IGFBP7: variants seen among roughly 807,000 people sequenced by gnomAD.
IGFBP7 encodes insulin like growth factor binding protein 7.
A neutral mutation model predicts 29.4 loss-of-function variants in IGFBP7; 31 were observed. That is an observed-to-expected ratio of 1.05 (90% CI 0.79 to 1.42). The LOEUF is 1.42. Among genes scored for constraint, IGFBP7 ranks in the 40% most tolerant of loss-of-function variants. IGFBP7 has a pLI of 0.00. For missense variants in IGFBP7, 393 were observed against 395.5 expected, an observed-to-expected ratio of 0.99 and a Z score of 0.05; for synonymous variants, 172 against 174.9, an observed-to-expected ratio of 0.98 and a Z score of 0.13.
At chr4:57,109,784 A>C (rs1273080390) in intron 1 of IGFBP7, 93 bp downstream of exon 1, 6 of 1,396,444 alleles carry the variant, frequency 4.3e-6, no homozygotes, top group Non-Finnish European at 5.6e-6. Context: ...CGCAGTGAGC[A>C]GCGCGGGGCG....
At chr4:57,104,794 G>T (rs1725983832) in intron 1 of IGFBP7, among the ~76,000 whole-genome samples, 1 of 152,174 alleles carries the variant, frequency 6.6e-6, no homozygotes, top group South Asian at 2.1e-4. Context: ...GTTCAGGATT[G>T]CTGATGACAG....
At chr4:57,079,772 TTG>T (rs1725318701) in intron 1 of IGFBP7, among the ~76,000 whole-genome samples, 1 of 152,248 alleles carries the variant, frequency 6.6e-6, no homozygotes, top group Non-Finnish European at 1.5e-5. Flanking sequence ...CTCATGCTAT[TTG>T]TCTCATTAAT....
chr4:57,079,388 C>T (rs1211028551), intron 1 of IGFBP7, among the ~76,000 whole-genome samples: 1 of 152,074 alleles, frequency 6.6e-6, no homozygotes, highest in Non-Finnish European at 1.5e-5. Context: ...TTCAGTTTTC[C>T]AGTTGAACAG....
chr4:57,040,135 A>T (rs1459463987), intron 2 of IGFBP7, among the ~76,000 whole-genome samples: 1 of 152,064 alleles, frequency 6.6e-6, no homozygotes, highest in Admixed American at 6.6e-5. Context: ...ATGGTTCTAC[A>T]GCCTTGGTAC....
At chr4:57,066,122 G>A (rs1192764665) in intron 1 of IGFBP7, among the ~76,000 whole-genome samples, 1 of 152,152 alleles carries the variant, frequency 6.6e-6, no homozygotes, top group South Asian at 2.1e-4. Flanking sequence ...TTTTTAGGTG[G>A]AGCTAATTCT....
intron 1 of IGFBP7, among the ~76,000 whole-genome samples, chr4:57,056,018 G>C (rs1724662424): frequency 6.6e-6 from 1 of 152,000 alleles, no homozygotes; most frequent in African/African-American, 2.4e-5. Context: ...TCCAGGCCCC[G>C]GACTCCCATT....
chr4:57,068,230 C>T (rs1348054610), intron 1 of IGFBP7, among the ~76,000 whole-genome samples: 1 of 149,488 alleles, frequency 6.7e-6, no homozygotes, highest in East Asian at 2.0e-4. Flanking sequence ...GTGGAGGTTG[C>T]AGTGAGCCAA....
chr4:57,055,504 G>T (rs1234211174), intron 1 of IGFBP7, among the ~76,000 whole-genome samples: 4 of 152,176 alleles, frequency 2.6e-5, no homozygotes, highest in African/African-American at 9.7e-5. Context: ...GGGAGTGAGA[G>T]GCCAAGTACT....
intron 1 of IGFBP7, among the ~76,000 whole-genome samples, chr4:57,107,489 T>C (rs181091975): frequency 6.6e-6 from 1 of 152,194 alleles, no homozygotes; most frequent in Non-Finnish European, 1.5e-5. Context: ...GCTTCTATGA[T>C]TGTCAAAACC....
chr4:57,102,473 C>T (rs1350710425), intron 1 of IGFBP7, among the ~76,000 whole-genome samples: 1 of 152,110 alleles, frequency 6.6e-6, no homozygotes, highest in East Asian at 1.9e-4. Flanking sequence ...TCTGCCTGAA[C>T]ACGGTATCCT....
intron 1 of IGFBP7, among the ~76,000 whole-genome samples, chr4:57,059,510 C>A (rs1724748214): frequency 1.3e-5 from 2 of 152,118 alleles, no homozygotes; most frequent in Non-Finnish European, 2.9e-5. Context: ...AAACCAAATA[C>A]CACATGTTCT....
At chr4:57,053,019 CTTT>C (rs60116761) in intron 1 of IGFBP7, among the ~76,000 whole-genome samples, 3 of 141,082 alleles carry the variant, frequency 2.1e-5, no homozygotes, top group African/African-American at 2.6e-5. Context: ...TCTTTTCTAT[CTTT>C]TTTTTTTTTT....
At chr4:57,060,000 C>T (rs889617275) in intron 1 of IGFBP7, among the ~76,000 whole-genome samples, 2 of 152,150 alleles carry the variant, frequency 1.3e-5, no homozygotes, top group African/African-American at 4.8e-5. Context: ...ATTAATTTGT[C>T]CCAGTCCATC....
At chr4:57,067,676 G>A (rs1724951876) in intron 1 of IGFBP7, among the ~76,000 whole-genome samples, 1 of 152,070 alleles carries the variant, frequency 6.6e-6, no homozygotes, top group Non-Finnish European at 1.5e-5. Context: ...TTCATATTAT[G>A]TGTTTTCTAT....
chr4:57,035,054 C>T (rs1376834576), intron 2 of IGFBP7, among the ~76,000 whole-genome samples: 2 of 152,108 alleles, frequency 1.3e-5, no homozygotes, highest in Admixed American at 1.3e-4. Flanking sequence ...ATGACTCTGA[C>T]CTTTATTTAC....
At chr4:57,050,550 A>G (rs1578616252) in intron 1 of IGFBP7, among the ~76,000 whole-genome samples, 3 of 151,664 alleles carry the variant, frequency 2.0e-5, no homozygotes, top group Admixed American at 1.3e-4. Context: ...TGGCTTTTCA[A>G]AAGTTTTTAT....
rs775993318 is a variant in IGFBP7, at chr4:57,030,873, A to C, written c.*444T>G. On this transcript the variant is annotated 3_prime_UTR_variant, in exon 5 of 5. Coordinates refer to ENST00000295666, the MANE Select transcript of IGFBP7 (RefSeq NM_001553.3). Reference sequence around the variant, plus strand: ...GGGGTCACTTCAATACAATTCTGCTAATTACCATTTGTTTTTTCTTTTCAG... The same window carrying C: ...GGGGTCACTTCAATACAATTCTGCTCATTACCATTTGTTTTTTCTTTTCAG... The C allele has an allele frequency of 1.0e-5, 14 of 1,394,808 alleles. No individual in the cohort carries two copies. In the East Asian group the frequency reaches 2.7e-4, roughly 27 times the overall value. 86.4% of individuals were successfully genotyped at this position (1,394,808 alleles called of 1,614,324 possible).
chr4:57,087,527 A>C (rs1725526506), intron 1 of IGFBP7, among the ~76,000 whole-genome samples: 1 of 152,198 alleles, frequency 6.6e-6, no homozygotes, highest in Non-Finnish European at 1.5e-5. Flanking sequence ...GTCCCTGGGC[A>C]CTACTTGCTG....
intron 1 of IGFBP7, chr4:57,072,633 A>G: frequency 4.7e-6 from 1 of 214,830 alleles, no homozygotes; most frequent in African/African-American, 4.0e-5. Flanking sequence ...AGCCACCACC[A>G]GCGTTGCTGC....
Sources: allele counts gnomAD v4.1 joint callset (sites outside exome capture counted in the v4.1 genomes callset), GRCh38; gene constraint gnomAD v4.1.1; transcripts MANE v1.5; gene names NCBI Gene and HGNC (gene_info 2026-07-23, HGNC 2026-07-21).